Variants in SPATA6 observed in about 807,000 individuals in gnomAD.
SPATA6 encodes the protein spermatogenesis associated 6.
In SPATA6, 56 loss-of-function variants were observed where a neutral mutation model predicts 65.3. The observed-to-expected ratio is 0.86, with a 90% CI of 0.69 to 1.07. The LOEUF (loss-of-function observed/expected upper bound fraction) is 1.07. Ranked by LOEUF, SPATA6 falls within the 50% of genes least tolerant of loss-of-function variation. The pLI, the probability that SPATA6 is intolerant of heterozygous loss-of-function variation, is 0.00. For synonymous variants in SPATA6, 199 were observed against 213.2 expected, an observed-to-expected ratio of 0.93 and a Z score of 0.58; for missense variants, 590 against 594.8, an observed-to-expected ratio of 0.99 and a Z score of 0.08.
At chr1:48,286,400 T>C in the SPATA6 span, among the ~76,000 whole-genome samples, 1 of 152,210 alleles carries the variant, frequency 6.6e-6, no homozygotes, top group Non-Finnish European at 1.5e-5. Context: ...GGTTAATTCC[T>C]AAGTATTTTA....
intron 9 of SPATA6, among the ~76,000 whole-genome samples, chr1:48,362,868 G>C (rs1189639216): frequency 6.6e-6 from 1 of 152,100 alleles, no homozygotes; most frequent in South Asian, 2.1e-4. Context: ...ATATCATAGA[G>C]GTGGGAGGGA....
At chr1:48,365,601 G>A (rs1282622255) in intron 9 of SPATA6, among the ~76,000 whole-genome samples, 1 of 152,120 alleles carries the variant, frequency 6.6e-6, no homozygotes, top group Admixed American at 6.6e-5. Flanking sequence ...CTGTTTGTCT[G>A]TTATTGGTGT....
In SPATA6 at chr1:48,383,524, C is replaced by T. The variant is rs1649025399; in HGVS notation, c.909+1785G>A. ...GGACGGGGTGGCTGCTGGGCGGAGA[C>T]GCTCCTCACTTCCCAGACGGGGTGG... is the stretch of plus-strand genomic sequence containing the variant. On this transcript the variant is annotated intron_variant, in intron 9 of 12. Coordinates refer to ENST00000371847, the MANE Select transcript of SPATA6 (RefSeq NM_019073.4). Among the ~76,000 whole-genome samples, 2 of 27,104 alleles carry T rather than the reference C, an allele frequency of 7.4e-5. 1 individual carries two copies. The highest frequency in any genetic ancestry group is 2.0e-4 in the African/African-American group (2 of 9,760). 17.8% of individuals were successfully genotyped at this position (27,104 alleles called of 152,430 possible).
In SPATA6 at chr1:48,354,275, C is replaced by T. The variant is rs772430744; in HGVS notation, c.1194+1395G>A. On this transcript the variant is annotated intron_variant, in intron 11 of 12. Coordinates refer to ENST00000371847, the MANE Select transcript of SPATA6 (RefSeq NM_019073.4). ...TAGGGAGGATGTGAAACAAGTAGAA[C>T]TCTCCCACATTGGTAGTGGGAGTGT... Among the ~76,000 whole-genome samples the T allele has an allele frequency of 5.0e-4, 76 of 152,170 alleles. 1 individual carries two copies. Among genetic ancestry groups the T allele is most frequent in the Admixed American group, 1.2e-3 (19 of 15,266 alleles).
chr1:48,293,207 G>A (rs1180530296), downstream of SPATA6, among the ~76,000 whole-genome samples: 1 of 152,236 alleles, frequency 6.6e-6, no homozygotes, highest in Non-Finnish European at 1.5e-5. Context: ...GATCTTTTGG[G>A]CAGTACCCAC....
chr1:48,430,564 T>C (rs1417641214), intron 3 of SPATA6, among the ~76,000 whole-genome samples: 1 of 152,142 alleles, frequency 6.6e-6, no homozygotes, highest in Non-Finnish European at 1.5e-5. Context: ...AAGGTAAATA[T>C]GCGGGAAGTT....
the SPATA6 span, among the ~76,000 whole-genome samples, chr1:48,263,456 C>T: frequency 2.6e-5 from 4 of 151,908 alleles, no homozygotes; most frequent in African/African-American, 7.3e-5. Context: ...CACCGATGTG[C>T]GCCCCTACAT....
chr1:48,339,658 C>A (rs912143217), intron 11 of SPATA6, among the ~76,000 whole-genome samples: 5 of 151,752 alleles, frequency 3.3e-5, no homozygotes, highest in Non-Finnish European at 7.4e-5. Flanking sequence ...AATTTAACAG[C>A]AGATCAGAAT....
intron 9 of SPATA6, among the ~76,000 whole-genome samples, chr1:48,377,175 C>T (rs977687127): frequency 6.6e-6 from 1 of 152,146 alleles, no homozygotes; most frequent in Non-Finnish European, 1.5e-5. Context: ...CATTCATTTT[C>T]CATACTGCAA....
chr1:48,290,300 G>A, the SPATA6 span, among the ~76,000 whole-genome samples: 29 of 152,172 alleles, frequency 1.9e-4, no homozygotes, highest in African/African-American at 7.0e-4. Flanking sequence ...AGCAAATGCT[G>A]AGAGATTTTG....
chr1:48,330,254 C>T (rs1645877817), intron 11 of SPATA6, among the ~76,000 whole-genome samples: 1 of 152,170 alleles, frequency 6.6e-6, no homozygotes, highest in Non-Finnish European at 1.5e-5. Flanking sequence ...AGGGTGTAGC[C>T]TCCTGTTGTC....
chr1:48,262,841 T>C, the SPATA6 span: 2 of 152,180 alleles, frequency 1.3e-5, no homozygotes, highest in Non-Finnish European at 2.9e-5. Context: ...ATAATGGACA[T>C]TTGAAAAGTC....
At chr1:48,302,393 TAGAATCTCC>T (rs1644960844) in intron 12 of SPATA6, among the ~76,000 whole-genome samples, 1 of 152,184 alleles carries the variant, frequency 6.6e-6, no homozygotes, top group African/African-American at 2.4e-5. Context: ...TCCCACCTTT[TAGAATCTCC>T]AGTGTTTATT....
chr1:48,447,798 A>T (rs1194100124), intron 3 of SPATA6: 1 of 152,224 alleles, frequency 6.6e-6, no homozygotes, highest in Non-Finnish European at 1.5e-5. Context: ...AAAAGAACCC[A>T]TGGTCAAAGA....
At chr1:48,439,253 T>C (rs1193787882) in intron 3 of SPATA6, among the ~76,000 whole-genome samples, 1 of 152,192 alleles carries the variant, frequency 6.6e-6, no homozygotes, top group Non-Finnish European at 1.5e-5. Context: ...TTTTCAAGAA[T>C]GCGTCGGTAA....
chr1:48,407,382 T>C (rs1380905338), intron 5 of SPATA6, among the ~76,000 whole-genome samples: 2 of 152,162 alleles, frequency 1.3e-5, no homozygotes, highest in Non-Finnish European at 2.9e-5. Context: ...GTCAACTTTC[T>C]GGCAGGTAAT....
At chr1:48,298,914 G>T in intron 12 of SPATA6, 21 bp from the exon 13 acceptor site, 1 of 1,602,330 alleles carries the variant, frequency 6.2e-7, no homozygotes, top group South Asian at 1.1e-5. Flanking sequence ...GGATATAAAA[G>T]GTTCAAAACA....
At chr1:48,317,544 G>T (rs930711256) in intron 11 of SPATA6, among the ~76,000 whole-genome samples, 4 of 152,006 alleles carry the variant, frequency 2.6e-5, no homozygotes, top group African/African-American at 9.7e-5. Flanking sequence ...GGGGGAGAGG[G>T]GAGGGATAGC....
chr1:48,448,663 GT>G (rs2148141320), intron 3 of SPATA6, among the ~76,000 whole-genome samples: 1 of 152,290 alleles, frequency 6.6e-6, no homozygotes, highest in East Asian at 1.9e-4. Flanking sequence ...AATAGTCAAT[GT>G]GGAAGGGAAA....
Sources: gnomAD v4.1 joint callset for allele counts (sites outside exome capture counted in the v4.1 genomes callset) on GRCh38, gnomAD v4.1.1 for gene constraint, MANE v1.5 for transcripts, NCBI Gene and HGNC (gene_info 2026-07-23, HGNC 2026-07-21) for gene names.